The following MECOM variants were observed in gnomAD, a reference collection of about 807,000 sequenced individuals.
MECOM encodes MDS1 and EVI1 complex locus.
Under a neutral mutation model 116.3 loss-of-function variants are expected in MECOM, and 13 were observed. That is an observed-to-expected ratio of 0.11 (90% confidence interval 0.07 to 0.18). The LOEUF (loss-of-function observed/expected upper bound fraction) is 0.18, where lower values mean the gene tolerates loss of function less well. Among genes scored for constraint, MECOM ranks in the 10% least tolerant of loss-of-function variants. MECOM has a pLI of 1.00. For missense variants in MECOM, 1,299 were observed against 1,509.0 expected, an observed-to-expected ratio of 0.86 and a Z score of 2.31; for synonymous variants, 528 against 535.2, an observed-to-expected ratio of 0.99 and a Z score of 0.19.
rs78602802 is a variant in MECOM at position 169,618,045 on chromosome 3, C to T, written c.37+45291G>A. On this transcript the variant is annotated intron_variant, in intron 1 of 16. Transcript: ENST00000651503. ...CCCAGGCAGACCCTAGACTTTTCTT[C>T]CTCTCCTCCTTAAGCTTCTTTGTCT... Among the ~76,000 whole-genome samples, 1,011 of 152,278 alleles carry T rather than the reference C, an allele frequency of 6.6e-3. 10 individuals are homozygous for T. The highest frequency in any genetic ancestry group is 0.023 in the African/African-American group (944 of 41,542).
chr3:169,637,935 C>G (rs555215925), intron 1 of MECOM, among the ~76,000 whole-genome samples: 2 of 152,180 alleles, frequency 1.3e-5, no homozygotes, highest in East Asian at 3.9e-4. Context: ...AAGGTAAACT[C>G]TATAAAGTAA....
chr3:169,117,618 A>G (rs1219456040), intron 7 of MECOM, among the ~76,000 whole-genome samples: 1 of 152,220 alleles, frequency 6.6e-6, no homozygotes, highest in African/African-American at 2.4e-5. Context: ...GTTATAGCCA[A>G]CTATGCTCAG....
intron 1 of MECOM, among the ~76,000 whole-genome samples, chr3:169,493,097 T>C (rs1232955033): frequency 6.6e-6 from 1 of 152,222 alleles, no homozygotes; most frequent in Non-Finnish European, 1.5e-5. Flanking sequence ...TTAGCTAATA[T>C]GTCTTTTAGT....
chr3:169,630,082 C>G (rs993741767), intron 1 of MECOM, among the ~76,000 whole-genome samples: 1 of 152,184 alleles, frequency 6.6e-6, no homozygotes, highest in South Asian at 2.1e-4. Flanking sequence ...TTGTGACGCT[C>G]TCCACACAAT....
intron 1 of MECOM, among the ~76,000 whole-genome samples, chr3:169,575,066 A>G (rs1475841565): frequency 6.6e-6 from 1 of 152,198 alleles, no homozygotes; most frequent in Admixed American, 6.5e-5. Flanking sequence ...CTTCTTAACT[A>G]GTAAAAAACT....
chr3:169,510,450 G>T (rs1376623337), intron 1 of MECOM, among the ~76,000 whole-genome samples: 1 of 152,228 alleles, frequency 6.6e-6, no homozygotes, highest in Non-Finnish European at 1.5e-5. Flanking sequence ...CAAGTTGAGT[G>T]AACTTCCTTC....
At chr3:169,596,296 G>T (rs780091697) in intron 1 of MECOM, among the ~76,000 whole-genome samples, 1 of 152,182 alleles carries the variant, frequency 6.6e-6, no homozygotes, top group Admixed American at 6.5e-5. Context: ...CATATTGGAT[G>T]AGCACATTCA....
intron 1 of MECOM, among the ~76,000 whole-genome samples, chr3:169,485,829 GTA>G (rs150596583): frequency 7.4e-6 from 1 of 134,364 alleles, no homozygotes; most frequent in African/African-American, 3.0e-5. Context: ...ATATATATAT[GTA>G]TATATATGTG....
At position 169,378,449 on chromosome 3, in the gene MECOM, GAAGGAA is replaced by G. The variant is rs1560196632; in HGVS notation, c.375+2732_375+2737del. Reference sequence around the variant, plus strand: ...AGAAAGAAAGAAAGAAAGAAAGAAAGAAGGAAAGCAAGCAAGCAAGCAAGCAAGAAA... The same window carrying G: ...AGAAAGAAAGAAAGAAAGAAAGAAAGAGCAAGCAAGCAAGCAAGCAAGAAA... On this transcript the variant is annotated intron_variant, in intron 2 of 16. Transcript: ENST00000651503. Among the ~76,000 whole-genome samples, 213 of 59,560 alleles carry G rather than the reference GAAGGAA, an allele frequency of 3.6e-3. 11 individuals carry two copies. The highest frequency in any genetic ancestry group is 0.014 in the African/African-American group (125 of 8,952). The allele number at this position is 59,560 out of a possible 152,430, so 39.1% of individuals were successfully genotyped here.
intron 14 of MECOM, among the ~76,000 whole-genome samples, 164 bp from the exon 15 acceptor site, chr3:169,090,400 C>T (rs1438828092): frequency 1.3e-5 from 2 of 151,956 alleles, no homozygotes; most frequent in Admixed American, 1.3e-4. Flanking sequence ...AATAATGTGA[C>T]TTCACAAATG....
chr3:169,574,213 A>G (rs577082754), intron 1 of MECOM, among the ~76,000 whole-genome samples: 1 of 152,376 alleles, frequency 6.6e-6, no homozygotes, highest in East Asian at 1.9e-4. Flanking sequence ...GAATTTCCAA[A>G]TACGTCATGG....
chr3:169,606,543 T>C (rs766834386), intron 1 of MECOM, among the ~76,000 whole-genome samples: 3 of 152,200 alleles, frequency 2.0e-5, no homozygotes, highest in African/African-American at 7.2e-5. Context: ...CTAGTTAGCA[T>C]ACAGACTAAG....
chr3:169,450,901 G>A lies in MECOM; in HGVS notation c.38-69377C>T, dbSNP rs189178049. On this transcript the variant is annotated intron_variant, in intron 1 of 16. Transcript: ENST00000651503. Reference sequence around the variant, plus strand: ...TTCATAATGGGAACCGAATGCAAAAGCCATATAATTATAATCCAGAATATG... The same window carrying A: ...TTCATAATGGGAACCGAATGCAAAAACCATATAATTATAATCCAGAATATG... 2.6e-3 allele frequency among the ~76,000 whole-genome samples: 389 copies of A among 152,222 alleles called. 1 individual carries two copies. Among genetic ancestry groups the A allele is most frequent in the Non-Finnish European group, 4.2e-3 (289 of 68,006 alleles).
At chr3:169,492,611 C>A (rs1035542202) in intron 1 of MECOM, among the ~76,000 whole-genome samples, 2 of 152,108 alleles carry the variant, frequency 1.3e-5, no homozygotes, top group African/African-American at 4.8e-5. Flanking sequence ...TATTATATAA[C>A]CCTACCTATA....
chr3:169,320,877 C>T (rs918629782), intron 2 of MECOM, among the ~76,000 whole-genome samples: 9 of 152,078 alleles, frequency 5.9e-5, no homozygotes, highest in African/African-American at 1.4e-4. Context: ...AAAAGCTGCC[C>T]TTTTGTGAGC....
intron 1 of MECOM, among the ~76,000 whole-genome samples, chr3:169,540,942 C>T (rs1029119450): frequency 6.6e-6 from 1 of 152,204 alleles, no homozygotes; most frequent in African/African-American, 2.4e-5. Flanking sequence ...ATCTCTTCCA[C>T]ACATCTGTCT....
At chr3:169,585,801 G>A (rs1319680400) in intron 1 of MECOM, among the ~76,000 whole-genome samples, 2 of 152,194 alleles carry the variant, frequency 1.3e-5, no homozygotes, top group African/African-American at 4.8e-5. Flanking sequence ...CTGGTTGAAT[G>A]AGTGAATGAA....
Position 169,221,567 on chromosome 3 carries a change from TA to T in MECOM, c.376-77736del, listed in dbSNP as rs34439968. On this transcript the variant is annotated intron_variant, in intron 2 of 16. Coordinates refer to ENST00000651503, the MANE Select transcript of MECOM (RefSeq NM_004991.4). ...AGCTTTTGGAGACGTAAAGAGATGT[TA>T]AAAAAAAAAAAAAAAGCCAGTGGCA... 6.2e-3 allele frequency among the ~76,000 whole-genome samples: 817 copies of T among 132,194 alleles called. 1 individual carries two copies. The highest frequency in any genetic ancestry group is 6.4e-3 in the South Asian group (25 of 3,928). The allele number at this position is 132,194 out of a possible 152,430, so 86.7% of individuals were successfully genotyped here.
At chr3:169,118,210 T>C (rs1235762724) in intron 7 of MECOM, among the ~76,000 whole-genome samples, 1 of 152,056 alleles carries the variant, frequency 6.6e-6, no homozygotes, top group Non-Finnish European at 1.5e-5. Context: ...CAAGTAAGGG[T>C]ATATCTCTTT....
Sources: gnomAD v4.1 joint callset for allele counts (sites outside exome capture counted in the v4.1 genomes callset) on GRCh38, gnomAD v4.1.1 for gene constraint, MANE v1.5 for transcripts, NCBI Gene and HGNC (gene_info 2026-07-23, HGNC 2026-07-21) for gene names.